The following CDC73 variants were observed in gnomAD, a reference collection of about 807,000 sequenced individuals.
CDC73 encodes cell division cycle 73.
A neutral mutation model predicts 83.7 loss-of-function variants in CDC73; 21 were observed. That is an observed-to-expected ratio of 0.25 (90% CI 0.18 to 0.36). The LOEUF (loss-of-function observed/expected upper bound fraction) is 0.36. Among genes scored for constraint, CDC73 ranks in the 10% least tolerant of loss-of-function variants. CDC73 has a pLI of 1.00. For missense variants in CDC73, 342 were observed against 653.3 expected, an observed-to-expected ratio of 0.52 and a Z score of 5.19; for synonymous variants, 224 against 212.9, an observed-to-expected ratio of 1.05 and a Z score of -0.45.
At chr1:193,220,405 C>T (rs1179095979) in intron 13 of CDC73, among the ~76,000 whole-genome samples, 2 of 151,892 alleles carry the variant, frequency 1.3e-5, no homozygotes, top group Non-Finnish European at 2.9e-5. Context: ...GCCTCGGCCT[C>T]CCAAACTGCT....
At position 193,249,726 on chromosome 1, in the gene CDC73, A is replaced by G. The variant is rs1269877061; in HGVS notation, c.1418-4A>G. On this transcript the variant is annotated splice_polypyrimidine_tract_variant and splice_region_variant and intron_variant, in intron 15 of 16. Coordinates refer to ENST00000367435, the MANE Select transcript of CDC73 (RefSeq NM_024529.5). ...ATGATAACTTCTCTCCACCCTCTCT[A>G]TAGTTAAAGCCTTCCATCTGAAGTA... The G allele has an allele frequency of 1.2e-5, 20 of 1,605,036 alleles. No individual in the cohort carries two copies. The highest frequency in any genetic ancestry group is 3.3e-5 in the South Asian group (3 of 90,900).
Position 193,252,884 on chromosome 1 carries a change from C to T in CDC73, c.*2172C>T. ...CATGCATGAATGAATAATGTATTTT[C>T]AGTGTAACAAATTTATTATAAAAGT... On this transcript the variant is annotated 3_prime_UTR_variant, in exon 17 of 17. Transcript: ENST00000367435. The T allele has an allele frequency of 4.3e-6, 1 of 231,750 alleles. No homozygotes were observed. Among genetic ancestry groups the T allele is most frequent in the East Asian group, 6.1e-5 (1 of 16,358 alleles). The allele number at this position is 231,750 out of a possible 1,614,324, so 14.4% of individuals were successfully genotyped here. A position where few individuals can be genotyped will look rare whatever the true frequency, so the allele number is the denominator to read the frequency against.
At chr1:193,151,477 T>A (rs1676109866) in intron 9 of CDC73, among the ~76,000 whole-genome samples, 1 of 152,226 alleles carries the variant, frequency 6.6e-6, no homozygotes, top group Non-Finnish European at 1.5e-5. Flanking sequence ...TCACATATAT[T>A]GTTTATTCTG....
At chr1:193,247,790 ACT>A (rs1473168587) in intron 15 of CDC73, among the ~76,000 whole-genome samples, 1 of 151,844 alleles carries the variant, frequency 6.6e-6, no homozygotes, top group South Asian at 2.1e-4. Context: ...CAGTGCCCTA[ACT>A]CTCTTCAGTT....
At chr1:193,243,527 G>C (rs1198564885) in intron 15 of CDC73, among the ~76,000 whole-genome samples, 1 of 152,092 alleles carries the variant, frequency 6.6e-6, no homozygotes, top group South Asian at 2.1e-4. Flanking sequence ...GGCCATTATG[G>C]CTTCAGTTTG....
intron 15 of CDC73, among the ~76,000 whole-genome samples, chr1:193,242,587 C>CT (rs1312172119): frequency 6.6e-6 from 1 of 152,130 alleles, no homozygotes; most frequent in Non-Finnish European, 1.5e-5. Flanking sequence ...GGTGGTTCTT[C>CT]TTTTTGGAGG....
rs1288213600 is a variant in CDC73, at chr1:193,252,589, T to C, written c.*1877T>C. The C allele has an allele frequency of 8.7e-6, 2 of 231,146 alleles. No homozygotes were observed. Among genetic ancestry groups the C allele is most frequent in the East Asian group, 6.1e-5 (1 of 16,284 alleles). 14.3% of individuals were successfully genotyped at this position (231,146 alleles called of 1,614,324 possible). A position where few individuals can be genotyped will look rare whatever the true frequency, so the allele number is the denominator to read the frequency against. On this transcript the variant is annotated 3_prime_UTR_variant, in exon 17 of 17. Transcript: ENST00000367435. ...TATATTCAAAGGCTTATGGAAATACTGTAAAGGAACATTAGGAAAAGGACA... is the reference window on the plus strand; with the variant it reads ...TATATTCAAAGGCTTATGGAAATACCGTAAAGGAACATTAGGAAAAGGACA...
intron 15 of CDC73, among the ~76,000 whole-genome samples, chr1:193,240,394 G>C (rs1677837637): frequency 6.6e-6 from 1 of 152,140 alleles, no homozygotes; most frequent in African/African-American, 2.4e-5. Context: ...AGGACTGCTG[G>C]ATCATCCAGT....
At chr1:193,146,849 A>G (rs560712810) in intron 7 of CDC73, among the ~76,000 whole-genome samples, 209 of 152,326 alleles carry the variant, frequency 1.4e-3, no homozygotes, top group Non-Finnish European at 2.3e-3. Context: ...CACATCTTTG[A>G]AAAGTGTACA....
intron 13 of CDC73, among the ~76,000 whole-genome samples, chr1:193,230,580 C>T (rs2102056022): frequency 1.3e-5 from 2 of 149,276 alleles, no homozygotes; most frequent in Middle Eastern, 7.1e-3. Flanking sequence ...GAAACAATTG[C>T]CTATCACACA....
At chr1:193,218,733 TC>T in intron 13 of CDC73, among the ~76,000 whole-genome samples, 1 of 152,116 alleles carries the variant, frequency 6.6e-6, no homozygotes, top group Non-Finnish European at 1.5e-5. Context: ...CCGAACCCCT[TC>T]CTTTCACCAT....
At chr1:193,141,643 A>T (rs1351848332) in intron 6 of CDC73, among the ~76,000 whole-genome samples, 1 of 152,198 alleles carries the variant, frequency 6.6e-6, no homozygotes, top group Non-Finnish European at 1.5e-5. Flanking sequence ...AGAAATTACT[A>T]ATTTGCTCTT....
chr1:193,124,524 A>G (rs1385427080), intron 1 of CDC73, among the ~76,000 whole-genome samples: 1 of 152,192 alleles, frequency 6.6e-6, no homozygotes, highest in Non-Finnish European at 1.5e-5. Flanking sequence ...ATGAGGTAAT[A>G]TTAGTACCTG....
At chr1:193,171,565 A>G (rs547529426) in intron 10 of CDC73, among the ~76,000 whole-genome samples, 48 of 152,278 alleles carry the variant, frequency 3.2e-4, no homozygotes, top group Non-Finnish European at 5.7e-4. Flanking sequence ...GGCCTCCTTC[A>G]TCTTGAAAGT....
chr1:193,196,670 G>T (rs1677007664), intron 10 of CDC73, among the ~76,000 whole-genome samples: 1 of 151,954 alleles, frequency 6.6e-6, no homozygotes, highest in Non-Finnish European at 1.5e-5. Flanking sequence ...TGTTTCCTTG[G>T]TTAAGTTTAT....
intron 13 of CDC73, among the ~76,000 whole-genome samples, chr1:193,219,340 T>G (rs1677425300): frequency 6.6e-6 from 1 of 152,192 alleles, no homozygotes; most frequent in African/African-American, 2.4e-5. Flanking sequence ...TGCAGATTTC[T>G]CAAAAAACTT....
At chr1:193,136,395 AAAT>A (rs1225683488) in intron 5 of CDC73, 2 of 193,384 alleles carry the variant, frequency 1.0e-5, no homozygotes, top group African/African-American at 4.8e-5. Context: ...ATATTCTGAG[AAAT>A]GGATCTGATA....
rs1191430640 is a variant in CDC73, at chr1:193,252,190, A to C, written c.*1478A>C. 1.3e-5 allele frequency: 3 copies of C among 230,962 alleles called. No individual in the cohort carries two copies. Among genetic ancestry groups the C allele is most frequent in the African/African-American group, 6.6e-5 (3 of 45,228 alleles). 14.3% of individuals were successfully genotyped at this position (230,962 alleles called of 1,614,324 possible). A position where few individuals can be genotyped will look rare whatever the true frequency, so the allele number is the denominator to read the frequency against. On this transcript the variant is annotated 3_prime_UTR_variant, in exon 17 of 17. Coordinates refer to ENST00000367435, the MANE Select transcript of CDC73 (RefSeq NM_024529.5). ...AACAGTCAGCATTTTAAATTACTAG[A>C]TTTTAGCATACTTAACAAGGTTTGA...
chr1:193,125,670 G>C (rs902842771), intron 2 of CDC73, among the ~76,000 whole-genome samples: 1 of 149,938 alleles, frequency 6.7e-6, no homozygotes, highest in Non-Finnish European at 1.5e-5. Flanking sequence ...TCTACTTCTC[G>C]GGCTCAAGCC....
Sources: gnomAD v4.1 joint callset for allele counts (sites outside exome capture counted in the v4.1 genomes callset) on GRCh38, gnomAD v4.1.1 for gene constraint, MANE v1.5 for transcripts, NCBI Gene and HGNC (gene_info 2026-07-23, HGNC 2026-07-21) for gene names.